Variants in WASF3 observed in about 807,000 individuals in gnomAD.
WASF3 encodes the protein actin-binding protein WASF3.
WASF3 carries 11 observed loss-of-function variants against 46.6 expected under a neutral mutation model. The ratio of observed to expected loss-of-function variants is 0.24; its 90% CI spans 0.15 to 0.39. WASF3 has a LOEUF of 0.39. Among genes scored for constraint, WASF3 ranks in the 10% least tolerant of loss-of-function variants. The probability of loss-of-function intolerance (pLI) is 1.00; values close to 1 mark genes in which losing one functional copy is unlikely to be tolerated. For missense variants in WASF3, 576 were observed against 669.8 expected (o/e 0.86, Z 1.55); for synonymous variants, 242 against 259.7 (o/e 0.93, Z 0.65).
intron 1 of WASF3, among the ~76,000 whole-genome samples, chr13:26,564,498 C>T (rs1879398051): frequency 6.6e-6 from 1 of 152,174 alleles, no homozygotes; most frequent in Non-Finnish European, 1.5e-5. Context: ...AAAAGTTCCT[C>T]TAGTGCATGC....
At chr13:26,570,979 A>G (rs1431918061) in intron 1 of WASF3, among the ~76,000 whole-genome samples, 2 of 152,128 alleles carry the variant, frequency 1.3e-5, no homozygotes, top group Non-Finnish European at 2.9e-5. Context: ...GAAGCTTTCA[A>G]ATTTTTGCCA....
At chr13:26,583,024 AAG>A (rs1224260127) in intron 1 of WASF3, among the ~76,000 whole-genome samples, 4 of 152,232 alleles carry the variant, frequency 2.6e-5, no homozygotes, top group African/African-American at 9.6e-5. Context: ...TGGGGGCAGA[AAG>A]AAATTAATGC....
chr13:26,542,987 A>T, the WASF3 span, among the ~76,000 whole-genome samples: 1 of 152,202 alleles, frequency 6.6e-6, no homozygotes, highest in Non-Finnish European at 1.5e-5. Context: ...CAGGCTAAAG[A>T]AGAGGGAGTA....
chr13:26,645,676 AAAATAT>A (rs1488638181), intron 3 of WASF3, among the ~76,000 whole-genome samples: 5 of 152,310 alleles, frequency 3.3e-5, no homozygotes, highest in East Asian at 3.9e-4. Context: ...AAAATAAATA[AAAATAT>A]AAATATAAAT....
At chr13:26,568,363 G>T (rs1593370290) in intron 1 of WASF3, among the ~76,000 whole-genome samples, 2 of 152,138 alleles carry the variant, frequency 1.3e-5, no homozygotes, top group Non-Finnish European at 2.9e-5. Flanking sequence ...GGTCTTAGTA[G>T]AATAGCAGAA....
intron 1 of WASF3, among the ~76,000 whole-genome samples, chr13:26,607,645 T>G (rs1410568255): frequency 2.0e-5 from 3 of 152,238 alleles, no homozygotes; most frequent in African/African-American, 4.8e-5. Flanking sequence ...TTTTGTTTTT[T>G]TTTTGAAACA....
chr13:26,602,993 A>G (rs938713923), intron 1 of WASF3, among the ~76,000 whole-genome samples: 5 of 152,146 alleles, frequency 3.3e-5, no homozygotes, highest in African/African-American at 1.2e-4. Context: ...ACTGTGTAGT[A>G]TTTTAGCCCA....
chr13:26,646,454 G>A (rs116237582), intron 3 of WASF3, among the ~76,000 whole-genome samples: 2 of 152,120 alleles, frequency 1.3e-5, no homozygotes, highest in African/African-American at 2.4e-5. Flanking sequence ...GTACTTACCC[G>A]GCCATTATTC....
intron 3 of WASF3, among the ~76,000 whole-genome samples, chr13:26,646,642 G>A (rs1442675631): frequency 6.6e-6 from 1 of 152,142 alleles, no homozygotes; most frequent in African/African-American, 2.4e-5. Context: ...ATACAGAGGG[G>A]GACTAGACTT....
chr13:26,665,248 T>G (rs1179914854), intron 4 of WASF3, 86 bp downstream of exon 4: 3 of 1,477,832 alleles, frequency 2.0e-6, no homozygotes, highest in South Asian at 2.5e-5. Context: ...TGCTTTTTCC[T>G]TGGGATGGCA....
intron 9 of WASF3, among the ~76,000 whole-genome samples, chr13:26,685,275 T>C (rs1175132199): frequency 6.6e-6 from 1 of 152,160 alleles, no homozygotes; most frequent in African/African-American, 2.4e-5. Context: ...CTCTGGATGC[T>C]GTTGCTGCCT....
At chr13:26,574,767 T>C (rs946505297) in intron 1 of WASF3, among the ~76,000 whole-genome samples, 4 of 152,168 alleles carry the variant, frequency 2.6e-5, no homozygotes, top group Non-Finnish European at 4.4e-5. Flanking sequence ...TCTTTTGATA[T>C]CAGGAAGGTG....
At position 26,637,231 on chromosome 13, in the gene WASF3, C is replaced by T. The variant is rs114715744; in HGVS notation, c.-10-5030C>T. ...TACCTGCTGCCCTGTAGGGGAGAGG[C>T]CTCTGCAGCATATTCCAGCTCAGCC... On this transcript the variant is annotated intron_variant, in intron 2 of 9. Coordinates refer to ENST00000335327, the MANE Select transcript of WASF3 (RefSeq NM_006646.6). Among the ~76,000 whole-genome samples the T allele has an allele frequency of 5.6e-3, 855 of 152,256 alleles. 10 individuals carry two copies. The highest frequency in any genetic ancestry group is 0.02 in the African/African-American group (813 of 41,534).
At chr13:26,560,905 A>G (rs1879274997) in intron 1 of WASF3, among the ~76,000 whole-genome samples, 3 of 152,224 alleles carry the variant, frequency 2.0e-5, no homozygotes, top group Admixed American at 2.0e-4. Context: ...GAGGAGGACC[A>G]TAAACCCAAG....
intron 6 of WASF3, among the ~76,000 whole-genome samples, chr13:26,673,042 A>C (rs1055617006): frequency 6.6e-6 from 1 of 152,206 alleles, no homozygotes; most frequent in Non-Finnish European, 1.5e-5. Context: ...CAAGTGAAGA[A>C]AAAAGAAAGA....
intron 3 of WASF3, among the ~76,000 whole-genome samples, chr13:26,663,270 G>C (rs1299639361): frequency 6.6e-6 from 1 of 151,950 alleles, no homozygotes. Flanking sequence ...AATCTTAACA[G>C]ACGTCAACAT....
At chr13:26,669,599 T>C (rs529967450) in intron 5 of WASF3, among the ~76,000 whole-genome samples, 1 of 152,150 alleles carries the variant, frequency 6.6e-6, no homozygotes, top group East Asian at 1.9e-4. Context: ...TTGCAGCCTC[T>C]GCCTCCCGGG....
intron 1 of WASF3, among the ~76,000 whole-genome samples, chr13:26,563,782 C>T (rs1879375622): frequency 6.7e-6 from 1 of 149,370 alleles, no homozygotes; most frequent in Non-Finnish European, 1.5e-5. Context: ...GGGAGATTAG[C>T]TCTTCTGACT....
At chr13:26,656,264 T>G (rs528554865) in intron 3 of WASF3, among the ~76,000 whole-genome samples, 1 of 152,330 alleles carries the variant, frequency 6.6e-6, no homozygotes, top group African/African-American at 2.4e-5. Flanking sequence ...AAAGTTTCTT[T>G]TAAGCTATTC....
Sources: gnomAD v4.1 joint callset for allele counts (sites outside exome capture counted in the v4.1 genomes callset) on GRCh38, gnomAD v4.1.1 for gene constraint, MANE v1.5 for transcripts, NCBI Gene and HGNC (gene_info 2026-07-23, HGNC 2026-07-21) for gene names.